Variants in FRMD6 observed in about 807,000 individuals in gnomAD.
FRMD6 encodes FERM domain-containing protein 6.
In FRMD6, 37 loss-of-function variants were observed where a neutral mutation model predicts 73.2. The observed-to-expected ratio is 0.51, with a 90% CI of 0.39 to 0.66. The LOEUF (loss-of-function observed/expected upper bound fraction) is 0.66. Ranked by LOEUF, FRMD6 falls within the 30% of genes least tolerant of loss-of-function variation. FRMD6 has a pLI of 0.00. For synonymous variants in FRMD6, 273 were observed against 282.2 expected, an observed-to-expected ratio of 0.97 and a Z score of 0.33; for missense variants, 714 against 780.5, an observed-to-expected ratio of 0.91 and a Z score of 1.02.
At chr14:51,432,688 C>A in the FRMD6 span, among the ~76,000 whole-genome samples, 1 of 152,208 alleles carries the variant, frequency 6.6e-6, no homozygotes, top group African/African-American at 2.4e-5. Context: ...CCTGAATACT[C>A]AGACCATTGA....
intron 1 of FRMD6, among the ~76,000 whole-genome samples, chr14:51,550,105 C>T (rs931885545): frequency 6.6e-6 from 1 of 152,324 alleles, no homozygotes; most frequent in Non-Finnish European, 1.5e-5. Context: ...GGTAATGCTG[C>T]TCATGCCACA....
chr14:51,678,003 AC>A (rs1894512366), intron 1 of FRMD6, among the ~76,000 whole-genome samples: 1 of 152,048 alleles, frequency 6.6e-6, no homozygotes, highest in Non-Finnish European at 1.5e-5. Flanking sequence ...CTGTGGGGCC[AC>A]CCATTTCACT....
chr14:51,605,363 C>G (rs987838894), intron 2 of FRMD6, among the ~76,000 whole-genome samples: 2 of 152,036 alleles, frequency 1.3e-5, no homozygotes, highest in Non-Finnish European at 2.9e-5. Context: ...TGCCTTCAAG[C>G]ATCTGTTTAA....
chr14:51,667,474 A>T (rs1006115126), intron 1 of FRMD6, among the ~76,000 whole-genome samples: 5 of 152,248 alleles, frequency 3.3e-5, no homozygotes, highest in Admixed American at 3.3e-4. Context: ...TTATCGCAAC[A>T]ATCAGAAATG....
In FRMD6 at chr14:51,491,772, T is replaced by C. The variant is rs557750107; in HGVS notation, c.-210+2352T>C. ...CCTGTGATGACAGTGAAAATCAAAT[T>C]GATCTTGAAAGTTGGCCAGGAGAAG... On this transcript the variant is annotated intron_variant, in intron 1 of 14. Coordinates refer to the FRMD6 transcript ENST00000356218. 3.3e-5 allele frequency among the ~76,000 whole-genome samples: 5 copies of C among 152,278 alleles called. No individual in the cohort carries two copies. In the East Asian group the frequency reaches 5.8e-4, roughly 18 times the overall value.
At chr14:51,495,190 A>C (rs1024824079) in intron 1 of FRMD6, among the ~76,000 whole-genome samples, 4 of 152,236 alleles carry the variant, frequency 2.6e-5, no homozygotes, top group African/African-American at 4.8e-5. Flanking sequence ...ACTTTGTGAC[A>C]AGGATCACCT....
intron 1 of FRMD6, among the ~76,000 whole-genome samples, chr14:51,663,092 GC>G (rs1893339762): frequency 6.6e-6 from 1 of 152,138 alleles, no homozygotes; most frequent in African/African-American, 2.4e-5. Context: ...AGTCAGAATG[GC>G]TATTAAAATG....
At chr14:51,644,403 T>A (rs1353715804) in intron 2 of FRMD6, among the ~76,000 whole-genome samples, 2 of 150,556 alleles carry the variant, frequency 1.3e-5, no homozygotes, top group African/African-American at 2.5e-5. Flanking sequence ...TCACTCTCTC[T>A]CTCTCTCTCT....
chr14:51,605,144 T>G (rs796495345), intron 2 of FRMD6, among the ~76,000 whole-genome samples: 2 of 147,224 alleles, frequency 1.4e-5, no homozygotes, highest in African/African-American at 5.0e-5. Flanking sequence ...GGTTTCTTTT[T>G]TTTTTTTTTT....
At chr14:51,699,013 A>G (rs1488874622) in intron 3 of FRMD6, among the ~76,000 whole-genome samples, 1 of 151,944 alleles carries the variant, frequency 6.6e-6, no homozygotes, top group Non-Finnish European at 1.5e-5. Context: ...TTTATTTTCT[A>G]CTGCTGGAAT....
chr14:51,698,060 G>C, intron 2 of FRMD6, 82 bp from the exon 3 acceptor site: 1 of 873,476 alleles, frequency 1.1e-6, no homozygotes, highest in East Asian at 2.5e-5. Context: ...ATATATTTAC[G>C]ATGCATTAAA....
intron 2 of FRMD6, among the ~76,000 whole-genome samples, chr14:51,614,600 T>A (rs1890638942): frequency 6.6e-6 from 1 of 152,238 alleles, no homozygotes; most frequent in Admixed American, 6.5e-5. Context: ...ATTGGTTATA[T>A]ACACATTTCA....
At chr14:51,426,486 C>T in the FRMD6 span, among the ~76,000 whole-genome samples, 1 of 152,092 alleles carries the variant, frequency 6.6e-6, no homozygotes, top group African/African-American at 2.4e-5. Flanking sequence ...TTTTAATATA[C>T]CCTCTATTTT....
chr14:51,602,231 T>C (rs1364349972), intron 2 of FRMD6, among the ~76,000 whole-genome samples: 4 of 152,192 alleles, frequency 2.6e-5, no homozygotes, highest in Non-Finnish European at 4.4e-5. Context: ...GTGGCCAGCT[T>C]ACTAGGAAAG....
chr14:51,468,504 G>T, the FRMD6 span, among the ~76,000 whole-genome samples: 1 of 151,978 alleles, frequency 6.6e-6, no homozygotes, highest in Non-Finnish European at 1.5e-5. Flanking sequence ...GCATTTTCTA[G>T]ATTCTTGGGA....
intron 1 of FRMD6, among the ~76,000 whole-genome samples, chr14:51,545,872 A>G (rs546879610): frequency 6.6e-6 from 1 of 152,250 alleles, no homozygotes; most frequent in South Asian, 2.1e-4. Flanking sequence ...GGGCATAGGA[A>G]AAAAAAGCAG....
At chr14:51,424,367 T>C in the FRMD6 span, among the ~76,000 whole-genome samples, 1 of 152,202 alleles carries the variant, frequency 6.6e-6, no homozygotes, top group East Asian at 1.9e-4. Context: ...TGAGATTCTA[T>C]AAGAATTATC....
intron 1 of FRMD6, among the ~76,000 whole-genome samples, chr14:51,558,465 CA>C (rs1355547934): frequency 4.8e-5 from 6 of 124,044 alleles, no homozygotes; most frequent in South Asian, 2.6e-4. Flanking sequence ...AAGACTGTCT[CA>C]AAAAAAAAAC....
At chr14:51,554,612 A>G (rs1566810731) in intron 1 of FRMD6, 1 of 152,248 alleles carries the variant, frequency 6.6e-6, no homozygotes, top group Non-Finnish European at 1.5e-5. Flanking sequence ...CAGTCTAGTC[A>G]TGAGAAAAAC....
Sources: gnomAD v4.1 joint callset for allele counts (sites outside exome capture counted in the v4.1 genomes callset) on GRCh38, gnomAD v4.1.1 for gene constraint, MANE v1.5 for transcripts, NCBI Gene and HGNC (gene_info 2026-07-23, HGNC 2026-07-21) for gene names.